XPNPEP3: variants seen among roughly 807,000 people sequenced by gnomAD.
XPNPEP3 encodes the protein X-prolyl aminopeptidase 3.
XPNPEP3 carries 41 observed loss-of-function variants against 60.0 expected under a neutral mutation model. That is an observed-to-expected ratio of 0.68 (90% CI 0.53 to 0.89). The LOEUF (loss-of-function observed/expected upper bound fraction) is 0.89. Among genes scored for constraint, XPNPEP3 ranks in the 40% least tolerant of loss-of-function variants. The pLI is 0.00. For synonymous variants in XPNPEP3, 212 were observed against 223.2 expected (o/e 0.95, Z 0.45); for missense variants, 598 against 638.9 (o/e 0.94, Z 0.69).
intron 2 of XPNPEP3, among the ~76,000 whole-genome samples, chr22:40,875,527 C>T (rs1056259617): frequency 2.6e-5 from 4 of 152,026 alleles, no homozygotes; most frequent in Non-Finnish European, 2.9e-5. Flanking sequence ...CTGTTTTTTA[C>T]TTACATGTCT....
chr22:40,888,222 GT>G (rs2058076478), intron 4 of XPNPEP3, among the ~76,000 whole-genome samples: 2 of 152,178 alleles, frequency 1.3e-5, no homozygotes, highest in East Asian at 3.9e-4. Context: ...TTAGCATAAT[GT>G]TTTTAAATTT....
chr22:40,898,542 C>T lies in XPNPEP3; in HGVS notation c.793-9045C>T, dbSNP rs551346528. On this transcript the variant is annotated intron_variant, in intron 4 of 9. Transcript: ENST00000357137. ...TGCTGGGATTACAGGCGTGAGCCAC[C>T]GCGCCCGGCCGACCCATTTTGAGTT... Among the ~76,000 whole-genome samples, 9 of 133,572 alleles carry T rather than the reference C, an allele frequency of 6.7e-5. No individual in the cohort carries two copies. In the South Asian group the frequency reaches 8.3e-4, roughly 12 times the overall value. 87.6% of individuals were successfully genotyped at this position (133,572 alleles called of 152,430 possible). A position where few individuals can be genotyped will look rare whatever the true frequency, so the allele number is the denominator to read the frequency against.
intron 8 of XPNPEP3, 37 bp downstream of exon 8, chr22:40,922,550 C>T (rs760260443): frequency 5.0e-6 from 8 of 1,608,260 alleles, no homozygotes; most frequent in South Asian, 1.1e-5. Context: ...CTCAAGAACA[C>T]CTAGCATGCT....
intron 3 of XPNPEP3, among the ~76,000 whole-genome samples, chr22:40,885,509 A>T (rs2058065234): frequency 6.6e-6 from 1 of 152,218 alleles, no homozygotes; most frequent in Non-Finnish European, 1.5e-5. Context: ...CATAGCAATG[A>T]ATAATTGCTC....
intron 7 of XPNPEP3, among the ~76,000 whole-genome samples, chr22:40,920,918 G>T (rs1025694530): frequency 3.3e-5 from 5 of 152,036 alleles, no homozygotes; most frequent in Non-Finnish European, 7.4e-5. Context: ...TCAGCCTCCC[G>T]AGTAGCTGGA....
chr22:40,898,225 A>ATTTTTTTTTTTTT lies in XPNPEP3; in HGVS notation c.793-9335_793-9323dup, dbSNP rs71200626. ...TGTTTTATGTTTAGGTCTTTGACCC[A>ATTTTTTTTTTTTT]TTTTTTTTTTTTTTTTTTTTTTTTT... is the stretch of plus-strand genomic sequence containing the variant. On this transcript the variant is annotated intron_variant, in intron 4 of 9. Transcript: ENST00000357137. Among the ~76,000 whole-genome samples, 14 of 28,784 alleles carry ATTTTTTTTTTTTT rather than the reference A, an allele frequency of 4.9e-4. 6 individuals carry two copies. The highest frequency in any genetic ancestry group is 4.4e-3 in the East Asian group (4 of 918). The allele number at this position is 28,784 out of a possible 152,430, so 18.9% of individuals were successfully genotyped here.
intron 1 of XPNPEP3, chr22:40,860,699 C>A: frequency 9.0e-7 from 1 of 1,113,410 alleles, no homozygotes; most frequent in Non-Finnish European, 1.3e-6. Context: ...GTCACCCAAG[C>A]TGGAGTGCAG....
At chr22:40,877,714 C>A (rs2058032779) in intron 2 of XPNPEP3, among the ~76,000 whole-genome samples, 1 of 152,042 alleles carries the variant, frequency 6.6e-6, no homozygotes. Context: ...TTTTTTAATT[C>A]TTTACAGTTT....
At chr22:40,864,553 C>G (rs1257497647) in intron 1 of XPNPEP3, among the ~76,000 whole-genome samples, 2 of 152,164 alleles carry the variant, frequency 1.3e-5, no homozygotes, top group Non-Finnish European at 2.9e-5. Context: ...TCAAGCCATT[C>G]TCCTGCCTCA....
At chr22:40,907,499 C>A in intron 4 of XPNPEP3, 88 bp from the exon 5 acceptor site, 1 of 1,345,114 alleles carries the variant, frequency 7.4e-7, no homozygotes, top group Non-Finnish European at 1.1e-6. Context: ...GGAAAAGGTG[C>A]TTTTCATTTG....
intron 3 of XPNPEP3, among the ~76,000 whole-genome samples, chr22:40,883,583 A>G (rs550751570): frequency 2.0e-5 from 3 of 152,122 alleles, no homozygotes; most frequent in Admixed American, 2.0e-4. Context: ...GCTGGTTTTG[A>G]ACTCCTGGCC....
chr22:40,918,054 T>TA (rs997991025), intron 7 of XPNPEP3, among the ~76,000 whole-genome samples: 27 of 125,090 alleles, frequency 2.2e-4, no homozygotes, highest in African/African-American at 3.2e-4. Context: ...TACACACAAA[T>TA]AAAAAAAATC....
At chr22:40,893,819 T>C (rs1049423089) in intron 4 of XPNPEP3, among the ~76,000 whole-genome samples, 1 of 152,096 alleles carries the variant, frequency 6.6e-6, no homozygotes, top group Admixed American at 6.6e-5. Context: ...TTTCTCCATA[T>C]TGGTCAGGCT....
chr22:40,874,337 A>T (rs1474630984), intron 2 of XPNPEP3, among the ~76,000 whole-genome samples: 1 of 152,180 alleles, frequency 6.6e-6, no homozygotes, highest in Non-Finnish European at 1.5e-5. Context: ...ACTGTTGGGT[A>T]AGCTTTTTCA....
chr22:40,888,416 A>T (rs1031170510), intron 4 of XPNPEP3: 3 of 440,986 alleles, frequency 6.8e-6, no homozygotes, highest in Admixed American at 2.4e-5. Context: ...CTAATTTTTT[A>T]AATTTTTTGT....
intron 4 of XPNPEP3, among the ~76,000 whole-genome samples, chr22:40,897,188 C>T (rs1020795960): frequency 2.6e-4 from 39 of 152,060 alleles, no homozygotes; most frequent in Non-Finnish European, 4.7e-4. Context: ...CCATCACGCC[C>T]GGCTAATTTT....
At chr22:40,893,793 T>C (rs2058097537) in intron 4 of XPNPEP3, among the ~76,000 whole-genome samples, 1 of 152,038 alleles carries the variant, frequency 6.6e-6, no homozygotes, top group Non-Finnish European at 1.5e-5. Flanking sequence ...ATTTTGTATT[T>C]TTAGTAGAGA....
At chr22:40,871,568 GA>G (rs1216863263) in intron 2 of XPNPEP3, among the ~76,000 whole-genome samples, 2 of 152,086 alleles carry the variant, frequency 1.3e-5, no homozygotes, top group African/African-American at 2.4e-5. Flanking sequence ...GGTAAGCATA[GA>G]TTTTTTTTTT....
At chr22:40,893,505 C>CAAAAAA (rs764114832) in intron 4 of XPNPEP3, among the ~76,000 whole-genome samples, 2 of 40,246 alleles carry the variant, frequency 5.0e-5, no homozygotes, top group African/African-American at 8.6e-5. Context: ...AACTCTATCT[C>CAAAAAA]AAAAAAAAAA....
Sources: allele counts gnomAD v4.1 joint callset (sites outside exome capture counted in the v4.1 genomes callset), GRCh38; gene constraint gnomAD v4.1.1; transcripts MANE v1.5; gene names NCBI Gene and HGNC (gene_info 2026-07-23, HGNC 2026-07-21).